The following FOXP2 variants were observed in gnomAD, a reference collection of about 807,000 sequenced individuals.
FOXP2 encodes forkhead box P2.
A neutral mutation model predicts 115.8 loss-of-function variants in FOXP2; 12 were observed. That is an observed-to-expected ratio of 0.10 (90% confidence interval 0.07 to 0.17). The LOEUF is 0.17. Ranked by LOEUF, FOXP2 falls within the 10% of genes least tolerant of loss-of-function variation. The probability of loss-of-function intolerance (pLI) is 1.00; values close to 1 mark genes in which losing one functional copy is unlikely to be tolerated. For synonymous variants in FOXP2, 328 were observed against 297.7 expected (o/e 1.10, Z -1.05); for missense variants, 629 against 843.5 (o/e 0.75, Z 3.15).
chr7:114,220,102 C>T (rs1359067359), intron 1 of FOXP2, among the ~76,000 whole-genome samples: 1 of 151,294 alleles, frequency 6.6e-6, no homozygotes, highest in Non-Finnish European at 1.5e-5. Flanking sequence ...ATGTCCTGAC[C>T]TTGTGATCCG....
chr7:114,225,106 G>T (rs1185532736), intron 1 of FOXP2, among the ~76,000 whole-genome samples: 2 of 151,900 alleles, frequency 1.3e-5, no homozygotes, highest in Non-Finnish European at 2.9e-5. Context: ...GCTTCAGTTT[G>T]TTAATTTTTT....
At chr7:114,294,894 A>G (rs529741319) in intron 2 of FOXP2, among the ~76,000 whole-genome samples, 2,295 of 151,100 alleles carry the variant, frequency 0.015, 27 homozygotes, top group African/African-American at 0.029. Context: ...ATACATACAT[A>G]CATGCATGCA....
At chr7:114,377,272 C>T (rs936770782) in intron 2 of FOXP2, among the ~76,000 whole-genome samples, 3 of 152,184 alleles carry the variant, frequency 2.0e-5, no homozygotes, top group Admixed American at 2.0e-4. Context: ...TTTCCAAATA[C>T]TCATTGAACA....
intron 3 of FOXP2, among the ~76,000 whole-genome samples, chr7:114,544,939 C>A (rs1468710378): frequency 1.3e-5 from 2 of 152,098 alleles, no homozygotes; most frequent in African/African-American, 4.8e-5. Context: ...TTATACAATT[C>A]ATTTTCAAGT....
chr7:114,278,005 C>A (rs1019233678), intron 1 of FOXP2, among the ~76,000 whole-genome samples: 2 of 108,746 alleles, frequency 1.8e-5, no homozygotes, highest in Non-Finnish European at 3.4e-5. Flanking sequence ...CTAGCCTGGG[C>A]GAAAGAGTGA....
At chr7:114,350,439 T>C (rs1225261272) in intron 2 of FOXP2, among the ~76,000 whole-genome samples, 3 of 152,212 alleles carry the variant, frequency 2.0e-5, no homozygotes, top group Non-Finnish European at 4.4e-5. Flanking sequence ...AACTTGTTGC[T>C]GATGCTATTT....
At chr7:114,410,781 G>A (rs904371101), upstream of FOXP2, among the ~76,000 whole-genome samples, 2 of 151,858 alleles carry the variant, frequency 1.3e-5, no homozygotes, top group African/African-American at 4.8e-5. Flanking sequence ...TTCCGAACTT[G>A]CATCTCTCAA....
chr7:114,272,024 AAAT>A (rs1034687691), intron 1 of FOXP2, among the ~76,000 whole-genome samples: 38 of 139,020 alleles, frequency 2.7e-4, no homozygotes, highest in African/African-American at 9.8e-4. Flanking sequence ...TAATATTAAT[AAAT>A]AATAATATAA....
chr7:114,680,225 A>G (rs1157347012), intron 16 of FOXP2, among the ~76,000 whole-genome samples: 1 of 152,222 alleles, frequency 6.6e-6, no homozygotes, highest in Non-Finnish European at 1.5e-5. Flanking sequence ...CAAGAAACAT[A>G]AATTGGTGTT....
At chr7:114,461,286 GATA>G (rs1185474912) in intron 2 of FOXP2, among the ~76,000 whole-genome samples, 2 of 152,106 alleles carry the variant, frequency 1.3e-5, no homozygotes, top group South Asian at 4.1e-4. Context: ...TTTAGCTTCT[GATA>G]ATAATTTCAT....
chr7:114,491,151 A>G (rs540904315), intron 2 of FOXP2, among the ~76,000 whole-genome samples: 1 of 152,244 alleles, frequency 6.6e-6, no homozygotes, highest in Admixed American at 6.5e-5. Context: ...ATTTCTCCAC[A>G]TCCTCTCCAG....
intron 2 of FOXP2, among the ~76,000 whole-genome samples, chr7:114,385,541 A>C (rs6466486): frequency 0.96 from 146,750 of 152,114 alleles, 70,994 homozygotes; most frequent in East Asian, 1. Flanking sequence ...TTGAAAGTGG[A>C]AGCTGGCTCC....
intron 3 of FOXP2, among the ~76,000 whole-genome samples, chr7:114,619,051 G>T (rs1479513944): frequency 6.6e-6 from 1 of 152,138 alleles, no homozygotes; most frequent in South Asian, 2.1e-4. Flanking sequence ...TGAACAAAGT[G>T]ACAAAGCAAG....
intron 8 of FOXP2, 95 bp downstream of exon 8, chr7:114,644,884 T>A: frequency 2.1e-6 from 2 of 932,166 alleles, no homozygotes; most frequent in Non-Finnish European, 3.4e-6. Flanking sequence ...AGGAGGAATG[T>A]AAAAGTCCAT....
chr7:114,687,141 T>C (rs1055876738), intron 16 of FOXP2, among the ~76,000 whole-genome samples: 1 of 152,342 alleles, frequency 6.6e-6, no homozygotes, highest in Non-Finnish European at 1.5e-5. Flanking sequence ...GATTTTTATA[T>C]TGATTAAGCG....
At chr7:114,510,037 T>C (rs1475398624) in intron 2 of FOXP2, among the ~76,000 whole-genome samples, 1 of 152,074 alleles carries the variant, frequency 6.6e-6, no homozygotes, top group African/African-American at 2.4e-5. Flanking sequence ...GAAATGTAGA[T>C]GAGAACTGGG....
At chr7:114,661,838 C>T in intron 13 of FOXP2, 1 of 491,030 alleles carries the variant, frequency 2.0e-6, no homozygotes, top group South Asian at 2.1e-5. Flanking sequence ...TTTGACACAG[C>T]TATTATTAAA....
chr7:114,248,133 C>A (rs534695003), intron 1 of FOXP2, among the ~76,000 whole-genome samples: 25 of 151,518 alleles, frequency 1.6e-4, no homozygotes, highest in African/African-American at 5.6e-4. Context: ...GGTATAAGTT[C>A]AGTCTGTGTC....
intron 1 of FOXP2, among the ~76,000 whole-genome samples, chr7:114,238,141 T>A (rs1795059276): frequency 6.6e-6 from 1 of 152,222 alleles, no homozygotes; most frequent in Non-Finnish European, 1.5e-5. Flanking sequence ...AAGAGAGAAG[T>A]GGTAGTTAAA....
Sources: gnomAD v4.1 joint callset for allele counts (sites outside exome capture counted in the v4.1 genomes callset) on GRCh38, gnomAD v4.1.1 for gene constraint, MANE v1.5 for transcripts, NCBI Gene and HGNC (gene_info 2026-07-23, HGNC 2026-07-21) for gene names.